The following RORB variants were observed in gnomAD, a reference collection of about 807,000 sequenced individuals.
RORB encodes the protein nuclear receptor ROR-beta.
RORB carries 6 observed loss-of-function variants against 59.1 expected under a neutral mutation model. The observed-to-expected ratio is 0.10, with a 90% CI of 0.06 to 0.20. The LOEUF is 0.20. Ranked by LOEUF, RORB falls within the 10% of genes least tolerant of loss-of-function variation. RORB has a pLI of 1.00. For synonymous variants in RORB, 215 were observed against 204.5 expected, an observed-to-expected ratio of 1.05 and a Z score of -0.44; for missense variants, 320 against 560.5, an observed-to-expected ratio of 0.57 and a Z score of 4.33.
intron 5 of RORB, among the ~76,000 whole-genome samples, chr9:74,661,913 G>A (rs112870470): frequency 0.021 from 3,254 of 152,044 alleles, 47 homozygotes; most frequent in Non-Finnish European, 0.033. Flanking sequence ...CCAAAGTGCT[G>A]GGATTTCAGG....
intron 1 of RORB, among the ~76,000 whole-genome samples, chr9:74,592,306 C>T (rs977130099): frequency 2.0e-5 from 3 of 152,112 alleles, no homozygotes; most frequent in South Asian, 2.1e-4. Context: ...ACCTACTGAA[C>T]CAGAATCTTA....
At chr9:74,513,771 A>G (rs892891118) in intron 1 of RORB, among the ~76,000 whole-genome samples, 5 of 152,136 alleles carry the variant, frequency 3.3e-5, no homozygotes, top group Non-Finnish European at 7.4e-5. Flanking sequence ...TATGCTATTA[A>G]AACATTTTGA....
In RORB at chr9:74,648,701, C is replaced by T. The variant is rs181828568; in HGVS notation, c.637+5886C>T. On this transcript the variant is annotated intron_variant, in intron 4 of 9. Coordinates refer to ENST00000376896, the MANE Select transcript of RORB (RefSeq NM_006914.4). ...GAACCGTGCACTAGCCTCTTCTCTCCGTCCATCCTCCTGAAAACAAAACAA... is the reference window on the plus strand; with the variant it reads ...GAACCGTGCACTAGCCTCTTCTCTCTGTCCATCCTCCTGAAAACAAAACAA... Among the ~76,000 whole-genome samples, 271 of 152,232 alleles carry T rather than the reference C, an allele frequency of 1.8e-3. 3 individuals are homozygous for T. Among genetic ancestry groups the T allele is most frequent in the South Asian group, 4.2e-3 (20 of 4,814 alleles).
chr9:74,648,978 T>G (rs1252117890), intron 4 of RORB, among the ~76,000 whole-genome samples: 1 of 151,990 alleles, frequency 6.6e-6, no homozygotes, highest in Admixed American at 6.6e-5. Context: ...TTCTTTTTTT[T>G]TTTTTTCGAC....
chr9:74,611,604 C>T (rs1211884739), intron 1 of RORB, among the ~76,000 whole-genome samples: 3 of 152,160 alleles, frequency 2.0e-5, no homozygotes, highest in Admixed American at 6.5e-5. Context: ...AGTCAAGCAA[C>T]TAGTGTGTAT....
intron 1 of RORB, among the ~76,000 whole-genome samples, chr9:74,551,500 A>C (rs1054363246): frequency 6.6e-6 from 1 of 152,218 alleles, no homozygotes; most frequent in South Asian, 2.1e-4. Context: ...ACAGAGCGGG[A>C]TGACAAGAGA....
intron 1 of RORB, among the ~76,000 whole-genome samples, chr9:74,625,865 A>G (rs1823503688): frequency 6.6e-6 from 1 of 152,238 alleles, no homozygotes; most frequent in Admixed American, 6.5e-5. Context: ...GAACAAACAC[A>G]GTAAAAATGT....
chr9:74,592,253 G>A (rs1002740169), intron 1 of RORB, among the ~76,000 whole-genome samples: 3 of 152,046 alleles, frequency 2.0e-5, no homozygotes, highest in African/African-American at 7.3e-5. Flanking sequence ...TACCTAGAGT[G>A]GAAGGATTTA....
intron 1 of RORB, among the ~76,000 whole-genome samples, chr9:74,508,951 T>G (rs545804812): frequency 8.1e-4 from 123 of 152,052 alleles, no homozygotes; most frequent in Non-Finnish European, 1.5e-3. Context: ...CACCCCTGTA[T>G]TCGTAGTAGA....
At chr9:74,511,445 T>TC (rs1260441760) in intron 1 of RORB, among the ~76,000 whole-genome samples, 4 of 151,958 alleles carry the variant, frequency 2.6e-5, no homozygotes, top group Non-Finnish European at 5.9e-5. Context: ...TCTTTTTTTT[T>TC]CTCTCCTTTC....
intron 4 of RORB, among the ~76,000 whole-genome samples, chr9:74,652,078 G>C (rs1314367869): frequency 2.0e-5 from 3 of 152,126 alleles, no homozygotes; most frequent in Admixed American, 2.0e-4. Context: ...CAAATGCTAT[G>C]TAGGTTCTTT....
chr9:74,606,421 A>G (rs371529069), intron 1 of RORB, among the ~76,000 whole-genome samples: 4 of 152,174 alleles, frequency 2.6e-5, no homozygotes, highest in East Asian at 1.9e-4. Flanking sequence ...TATATTCCAC[A>G]TTTGTTTCTC....
At chr9:74,630,072 G>A (rs1169055314) in intron 1 of RORB, 2 of 217,406 alleles carry the variant, frequency 9.2e-6, no homozygotes, top group South Asian at 1.6e-4. Flanking sequence ...TGAGAAAAAC[G>A]AAGCAAACTG....
At chr9:74,580,326 T>C (rs888928732) in intron 1 of RORB, among the ~76,000 whole-genome samples, 1 of 152,196 alleles carries the variant, frequency 6.6e-6, no homozygotes, top group African/African-American at 2.4e-5. Context: ...AAAATACAGT[T>C]GAATGTTTTT....
intron 1 of RORB, among the ~76,000 whole-genome samples, chr9:74,540,806 G>A (rs1826394346): frequency 6.6e-6 from 1 of 151,986 alleles, no homozygotes; most frequent in South Asian, 2.1e-4. Context: ...TAGGTATGCA[G>A]GTAAATCTAT....
At chr9:74,559,068 A>G (rs1279824992) in intron 1 of RORB, among the ~76,000 whole-genome samples, 2 of 152,108 alleles carry the variant, frequency 1.3e-5, no homozygotes, top group Admixed American at 1.3e-4. Flanking sequence ...TCCACTTTAA[A>G]ATGTTGTATT....
At chr9:74,642,295 T>A (rs1823820812) in intron 3 of RORB, 119 bp from the exon 4 acceptor site, 1 of 987,844 alleles carries the variant, frequency 1.0e-6, no homozygotes, top group Non-Finnish European at 1.5e-6. Context: ...TAAGTTATGG[T>A]GCTAGACATT....
intron 1 of RORB, among the ~76,000 whole-genome samples, chr9:74,598,483 T>A (rs567004564): frequency 5.6e-4 from 86 of 152,334 alleles, no homozygotes; most frequent in Middle Eastern, 3.4e-3. Context: ...TGTACTTTTT[T>A]AAATTTTTTT....
Position 74,685,834 on chromosome 9 carries a change from T to A in RORB, c.*216T>A. 2.8e-6 allele frequency: 1 copy of A among 356,018 alleles called. No homozygotes were observed. The highest frequency in any genetic ancestry group is 7.5e-4 in the Middle Eastern group (1 of 1,342). 22.1% of individuals were successfully genotyped at this position (356,018 alleles called of 1,614,324 possible). On this transcript the variant is annotated 3_prime_UTR_variant, in exon 10 of 10. Transcript: ENST00000376896. ...TGTTTGTTTTTGAAATGACCATAAA[T>A]ATACAAATATAGGACACTGGGTGTT...
Sources: gnomAD v4.1 joint callset for allele counts (sites outside exome capture counted in the v4.1 genomes callset) on GRCh38, gnomAD v4.1.1 for gene constraint, MANE v1.5 for transcripts, NCBI Gene and HGNC (gene_info 2026-07-23, HGNC 2026-07-21) for gene names.